The following ZNF510 variants were observed in gnomAD, a reference collection of about 807,000 sequenced individuals.
The protein encoded by ZNF510 is zinc finger protein 510.
In ZNF510, 15 loss-of-function variants were observed where a neutral mutation model predicts 18.1. The ratio of observed to expected loss-of-function variants is 0.83; its 90% CI spans 0.55 to 1.28. The LOEUF (loss-of-function observed/expected upper bound fraction) is 1.28. Among genes scored for constraint, ZNF510 ranks in the 50% most tolerant of loss-of-function variants. ZNF510 has a pLI of 0.00. For synonymous variants in ZNF510, 261 were observed against 266.4 expected, an observed-to-expected ratio of 0.98 and a Z score of 0.20; for missense variants, 724 against 791.8, an observed-to-expected ratio of 0.91 and a Z score of 1.03.
intron 5 of ZNF510, among the ~76,000 whole-genome samples, chr9:96,762,204 TAA>T (rs551652153): frequency 2.5e-4 from 25 of 99,436 alleles, no homozygotes; most frequent in African/African-American, 2.4e-4. Context: ...CTGTGGAAAT[TAA>T]AAAAAAAAAA....
Position 96,759,107 on chromosome 9 carries a change from T to TA in ZNF510, c.1722dup (p.Asn575Ter), listed in dbSNP as rs756262337. On this transcript the variant is annotated frameshift_variant, in exon 6 of 6. Transcript: ENST00000223428. LOFTEE classifies it low-confidence loss of function (END_TRUNC). The stretch of plus-strand genomic sequence containing the variant: ...CGGGCAAAAGTTTTCCCACATTCGT[T>TA]ACATTTGAATGGTTTCTCTCCCGTG... The TA allele has an allele frequency of 1.2e-4, 198 of 1,614,032 alleles. No homozygotes were observed. The highest frequency in any genetic ancestry group is 1.3e-4 in the Non-Finnish European group (157 of 1,180,020).
chr9:96,776,523 C>G (rs1849707916), intron 1 of ZNF510, among the ~76,000 whole-genome samples: 1 of 152,130 alleles, frequency 6.6e-6, no homozygotes, highest in Non-Finnish European at 1.5e-5. Context: ...GCCTGTAATC[C>G]CAGGACTGTG....
chr9:96,759,411 T>C lies in ZNF510; in HGVS notation c.1419A>G (p.Ser473=). The C allele has an allele frequency of 6.2e-7, 1 of 1,614,142 alleles. No individual in the cohort carries two copies. Among genetic ancestry groups the C allele is most frequent in the Non-Finnish European group, 8.5e-7 (1 of 1,180,006 alleles). ...GAATTCTTTGATGTCCCCTGAGGGT[T>C]GACTTCTGGACAAATGTTTTTCCAC... ...NECGKTFVQK[S]TLRGHQRIHT... is the part of the protein sequence containing the mutation. The change falls in exon 6 of 6, where the codon TCA becomes TCG. Residue 473 remains serine (S), a synonymous_variant. Coordinates refer to ENST00000223428, the MANE Select transcript of ZNF510 (RefSeq NM_014930.3).
intron 3 of ZNF510, among the ~76,000 whole-genome samples, chr9:96,771,023 A>C (rs1304936510): frequency 6.6e-6 from 1 of 152,200 alleles, no homozygotes; most frequent in Non-Finnish European, 1.5e-5. Context: ...AAAAACTCCA[A>C]TGCTAGACTA....
intron 5 of ZNF510, among the ~76,000 whole-genome samples, chr9:96,762,782 T>C (rs1849383111): frequency 6.6e-6 from 1 of 152,216 alleles, no homozygotes; most frequent in Non-Finnish European, 1.5e-5. Context: ...TCTTGTTCAA[T>C]GTTTTTGCCC....
At position 96,758,708 on chromosome 9, in the gene ZNF510, T is replaced by G; in HGVS notation, c.*70A>C. Reference sequence around the variant, plus strand: ...GTCTTCTTACATTCACTACCCTCAATTGGTTTTTTGTGTATCTCTGATATC... The same window carrying G: ...GTCTTCTTACATTCACTACCCTCAAGTGGTTTTTTGTGTATCTCTGATATC... On this transcript the variant is annotated 3_prime_UTR_variant, in exon 6 of 6. Transcript: ENST00000223428. The G allele has an allele frequency of 1.4e-6, 2 of 1,456,464 alleles. No homozygotes were observed. Among genetic ancestry groups the G allele is most frequent in the Non-Finnish European group, 1.8e-6 (2 of 1,086,742 alleles). The allele number at this position is 1,456,464 out of a possible 1,614,324, so 90.2% of individuals were successfully genotyped here. A position where few individuals can be genotyped will look rare whatever the true frequency, so the allele number is the denominator to read the frequency against.
Position 96,759,379 on chromosome 9 carries a change from C to T in ZNF510, c.1451G>A (p.Gly484Glu). Residue 484 changes from glycine (G) to glutamate (E), a missense_variant, in exon 6 of 6, where the codon GGA (glycine) becomes GAA (glutamate). Coordinates refer to ENST00000223428, the MANE Select transcript of ZNF510 (RefSeq NM_014930.3). ...TLRGHQRIHT[G>E]EKPYECSECG... ...TTCACTACATTCATAGGGTTTTTCT[C>T]CTGTGTGAATTCTTTGATGTCCCCT... 6.2e-7 allele frequency: 1 copy of T among 1,614,136 alleles called. No individual in the cohort carries two copies. Among genetic ancestry groups the T allele is most frequent in the Non-Finnish European group, 8.5e-7 (1 of 1,180,004 alleles).
In ZNF510 at chr9:96,758,954, T is replaced by A. The variant is rs147521076; in HGVS notation, c.1876A>T (p.Lys626Ter). Residue 626 changes from lysine (K) to a stop codon, truncating the protein, a stop_gained, in exon 6 of 6, where the codon AAA (lysine) becomes TAA (stop). Coordinates refer to ENST00000223428, the MANE Select transcript of ZNF510 (RefSeq NM_014930.3). LOFTEE classifies it low-confidence loss of function (END_TRUNC). ...SDHQRIHTGE[K>*]PFQCNKCGKT... ...CCACATTTATTACACTGAAAGGGTT[T>A]CTCCCCTGTGTGAATTCTCTGATGA... 12 of 1,614,154 alleles carry A rather than the reference T, an allele frequency of 7.4e-6. No individual in the cohort carries two copies. In the African/African-American group the frequency reaches 1.3e-4, roughly 18 times the overall value.
Position 96,760,124 on chromosome 9 carries a change from TGA to T in ZNF510, c.704_705del (p.Leu235GlnfsTer3), listed in dbSNP as rs748261750. The part of the protein sequence containing the change: ...FYEHNKNMKA[L>X]NYNENLPKHP... ...TGCTTGGGAAGATTTTCATTATAAT[TGA>T]GAGCTTTCATGTTTTTATTATGTTC... On this transcript the variant is annotated frameshift_variant, in exon 6 of 6. Coordinates refer to ENST00000223428, the MANE Select transcript of ZNF510 (RefSeq NM_014930.3). LOFTEE classifies it low-confidence loss of function (END_TRUNC). 6.2e-7 allele frequency: 1 copy of T among 1,609,914 alleles called. No individual in the cohort carries two copies.
chr9:96,760,480 A>C lies in ZNF510; in HGVS notation c.353-3T>G. On this transcript the variant is annotated splice_polypyrimidine_tract_variant and splice_region_variant and intron_variant, in intron 5 of 5. Transcript: ENST00000223428. ...CAGGTCATCACCTCTGTAATCTTCTAAAACAGAAATATTGAAAACATCTTA... is the reference window on the plus strand; with the variant it reads ...CAGGTCATCACCTCTGTAATCTTCTCAAACAGAAATATTGAAAACATCTTA... 1 of 1,580,726 alleles carries C rather than the reference A, an allele frequency of 6.3e-7. No homozygotes were observed. The highest frequency in any genetic ancestry group is 8.6e-7 in the Non-Finnish European group (1 of 1,164,822).
intron 3 of ZNF510, among the ~76,000 whole-genome samples, chr9:96,765,644 T>C (rs896138462): frequency 1.6e-4 from 24 of 151,822 alleles, no homozygotes; most frequent in Non-Finnish European, 3.2e-4. Flanking sequence ...TCCTGAGTAG[T>C]TGGGACTACA....
In ZNF510 at chr9:96,755,561, G is replaced by A. The variant is rs1236805014; in HGVS notation, c.*3217C>T. On this transcript the variant is annotated 3_prime_UTR_variant, in exon 6 of 6. Coordinates refer to ENST00000223428, the MANE Select transcript of ZNF510 (RefSeq NM_014930.3). ...TGGCCTATGATATTCTATTTCTTAA[G>A]TCCTAAGATGTATTCTTTTTCCAAA... Among the ~76,000 whole-genome samples, 4 of 152,094 alleles carry A rather than the reference G, an allele frequency of 2.6e-5. No individual in the cohort carries two copies. The highest frequency in any genetic ancestry group is 9.7e-5 in the African/African-American group (4 of 41,408).
chr9:96,776,091 G>A lies in ZNF510; in HGVS notation c.-22C>T. 3 of 1,588,582 alleles carry A rather than the reference G, an allele frequency of 1.9e-6. No individual in the cohort carries two copies. Among genetic ancestry groups the A allele is most frequent in the Non-Finnish European group, 2.6e-6 (3 of 1,165,866 alleles). ...ACATCACCAAGTCTGGTGCTCTCTG[G>A]GCAAGGGGATGAAGAAGTGCCGCTG... On this transcript the variant is annotated 5_prime_UTR_variant, in exon 2 of 6. Coordinates refer to ENST00000223428, the MANE Select transcript of ZNF510 (RefSeq NM_014930.3).
intron 2 of ZNF510, among the ~76,000 whole-genome samples, 174 bp downstream of exon 2, chr9:96,775,826 G>A (rs960456250): frequency 4.6e-5 from 7 of 152,198 alleles, no homozygotes; most frequent in African/African-American, 1.7e-4. Flanking sequence ...CTCAGAATCT[G>A]GAAAGAGTGA....
chr9:96,759,916 C>T lies in ZNF510; in HGVS notation c.914G>A (p.Gly305Glu), dbSNP rs1423370467. Residue 305 changes from glycine (G) to glutamate (E), a missense_variant, in exon 6 of 6, where the codon GGG becomes GAG. Gly to Glu is a moderately conservative substitution (Grantham distance 98). Transcript: ENST00000223428. ...TLFDHRRTGT[G>E]KKHLHLNQCG... ...TTGATTAAGATGCAGGTGTTTCTTC[C>T]CTGTGCCAGTTCTCCTGTGGTCAAA... 1.2e-6 allele frequency: 2 copies of T among 1,613,138 alleles called. No homozygotes were observed. The highest frequency in any genetic ancestry group is 1.7e-5 in the Admixed American group (1 of 59,980).
chr9:96,774,695 G>T, intron 3 of ZNF510, 93 bp downstream of exon 3: 1 of 1,168,832 alleles, frequency 8.6e-7, no homozygotes, highest in Non-Finnish European at 1.3e-6. Flanking sequence ...TTCCTTGAAT[G>T]ATTTTGATCC....
At chr9:96,765,513 CT>C (rs1193923208) in intron 3 of ZNF510, among the ~76,000 whole-genome samples, 1 of 151,062 alleles carries the variant, frequency 6.6e-6, no homozygotes, top group Non-Finnish European at 1.5e-5. Context: ...GATGATTTCA[CT>C]TTTTCTTTTT....
rs1849230569 is a variant in ZNF510 at position 96,757,771 on chromosome 9, T to C, written c.*1007A>G. ...TAATTTATAAATTAAGGACTAATAA[T>C]GGAATAATTACAACAACATGCCAGA... On this transcript the variant is annotated 3_prime_UTR_variant, in exon 6 of 6. Transcript: ENST00000223428. The C allele has an allele frequency of 1.3e-5, 2 of 150,232 alleles. No homozygotes were observed. Among genetic ancestry groups the C allele is most frequent in the South Asian group, 2.1e-4 (1 of 4,830 alleles). 9.3% of individuals were successfully genotyped at this position (150,232 alleles called of 1,614,324 possible).
At chr9:96,765,509 TTCAC>T (rs1428633896) in intron 3 of ZNF510, among the ~76,000 whole-genome samples, 2 of 151,968 alleles carry the variant, frequency 1.3e-5, no homozygotes, top group East Asian at 3.9e-4. Flanking sequence ...TCTTGATGAT[TTCAC>T]TTTTTCTTTT....
Sources: allele counts gnomAD v4.1 joint callset (sites outside exome capture counted in the v4.1 genomes callset), GRCh38; gene constraint gnomAD v4.1.1; transcripts MANE v1.5; gene names NCBI Gene and HGNC (gene_info 2026-07-23, HGNC 2026-07-21).